The following CPLANE1 variants were observed in gnomAD, a reference collection of about 807,000 sequenced individuals.
The protein encoded by CPLANE1 is ciliogenesis and planar polarity effector complex subunit 1.
A neutral mutation model predicts 362.5 loss-of-function variants in CPLANE1; 263 were observed. The ratio of observed to expected loss-of-function variants is 0.73; its 90% confidence interval spans 0.66 to 0.80. CPLANE1 has a LOEUF of 0.80. CPLANE1 is among the 30% of genes least tolerant of loss of function. CPLANE1 has a pLI of 0.00. For missense variants in CPLANE1, 3,461 were observed against 3,793.4 expected, an observed-to-expected ratio of 0.91 and a Z score of 2.30; for synonymous variants, 1,212 against 1,302.6, an observed-to-expected ratio of 0.93 and a Z score of 1.50.
intron 38 of CPLANE1, among the ~76,000 whole-genome samples, chr5:37,162,103 C>T (rs868576612): frequency 1.3e-5 from 2 of 152,150 alleles, no homozygotes; most frequent in African/African-American, 2.4e-5. Flanking sequence ...CCTCCCTCAC[C>T]GAACCCAGTC....
rs1779424779 is a variant in CPLANE1 at position 37,170,333 on chromosome 5, T to A, written c.6172-2A>T. On this transcript the variant is annotated splice_acceptor_variant, in intron 32 of 52. Transcript: ENST00000651892. LOFTEE classifies it high-confidence loss of function. ...GCTCATGAAGTTGATCTGTTGCAGCTTGAATAAAACAAAAATTGAAGCGAT... is the reference window on the plus strand; with the variant it reads ...GCTCATGAAGTTGATCTGTTGCAGCATGAATAAAACAAAAATTGAAGCGAT... 6.2e-7 allele frequency: 1 copy of A among 1,600,420 alleles called. No homozygotes were observed. The highest frequency in any genetic ancestry group is 1.1e-5 in the South Asian group (1 of 88,448).
chr5:37,164,425 A>G (rs1777709386), intron 36 of CPLANE1, 98 bp from the exon 37 acceptor site: 1 of 825,914 alleles, frequency 1.2e-6, no homozygotes, highest in Non-Finnish European at 2.0e-6. Flanking sequence ...ATTCTCATGT[A>G]TAACTTCAAC....
At chr5:37,216,581 G>C (rs917503305) in intron 15 of CPLANE1, among the ~76,000 whole-genome samples, 1 of 151,084 alleles carries the variant, frequency 6.6e-6, no homozygotes, top group Non-Finnish European at 1.5e-5. Flanking sequence ...GGAGTGAAGG[G>C]AGATGGCTAG....
At chr5:37,243,814 T>A (rs1738539028) in intron 5 of CPLANE1, among the ~76,000 whole-genome samples, 1 of 147,024 alleles carries the variant, frequency 6.8e-6, no homozygotes, top group Admixed American at 6.9e-5. Flanking sequence ...ATATAATATA[T>A]ACGATATATA....
intron 34 of CPLANE1, among the ~76,000 whole-genome samples, chr5:37,168,527 G>A (rs199746268): frequency 1.3e-5 from 2 of 152,038 alleles, no homozygotes; most frequent in Non-Finnish European, 2.9e-5. Context: ...AATAGAGACA[G>A]CTTCTCCCTA....
Position 37,167,047 on chromosome 5 carries a change from C to CT in CPLANE1, c.7399dup (p.Arg2467LysfsTer7), listed in dbSNP as rs779025515. 5.0e-6 allele frequency: 8 copies of CT among 1,603,222 alleles called. No homozygotes were observed. Among genetic ancestry groups the CT allele is most frequent in the South Asian group, 4.5e-5 (4 of 87,986 alleles). The stretch of plus-strand genomic sequence containing the variant: ...AAATAAAATTTCACTTAAGCCTTGC[C>CT]TTTTTTTACTGTCCTTTCCTTGTCT... On this transcript the variant is annotated frameshift_variant and splice_region_variant, in exon 35 of 53. Coordinates refer to ENST00000651892, the MANE Select transcript of CPLANE1 (RefSeq NM_001384732.1). LOFTEE classifies it high-confidence loss of function.
In CPLANE1 at chr5:37,195,922, G is replaced by C; in HGVS notation, c.3747C>G (p.Ile1249Met). The C allele has an allele frequency of 1.2e-6, 2 of 1,613,258 alleles. No individual in the cohort carries two copies. Among genetic ancestry groups the C allele is most frequent in the Non-Finnish European group, 8.5e-7 (1 of 1,179,660 alleles). Residue 1249 changes from isoleucine (I) to methionine (M), a missense_variant, in exon 21 of 53, where the codon ATC (isoleucine) becomes ATG (methionine). Physicochemically the swap from Ile to Met is conservative, Grantham distance 10. Transcript: ENST00000651892. ...QSLLNYCKGG[I>M]AFFRPGAAGD... ...CAGCTGCTCCAGGTCTAAAAAATGC[G>C]ATACCTCCTTTACAGTAATTAAGTA...
chr5:37,204,748 T>TAAA (rs34423138), intron 18 of CPLANE1, among the ~76,000 whole-genome samples: 2 of 142,242 alleles, frequency 1.4e-5, no homozygotes, highest in Admixed American at 7.0e-5. Context: ...CTTTAATATT[T>TAAA]AAAAAAAAAA....
In CPLANE1 at chr5:37,114,971, G is replaced by T. The variant is rs554956977; in HGVS notation, c.9389C>A (p.Thr3130Asn). Residue 3130 changes from threonine (T) to asparagine (N), a missense_variant, in exon 51 of 53, where the codon ACC (threonine) becomes AAC (asparagine). Coordinates refer to ENST00000651892, the MANE Select transcript of CPLANE1 (RefSeq NM_001384732.1). ...AVRKATQSPV[T>N]FQKGSNAPCH... ...TCTTTATCCCTTACCTTTTTGGAAG[G>T]TAACTGGAGACTGCGTAGCCTTTCT... is the stretch of plus-strand genomic sequence containing the variant. The T allele has an allele frequency of 2.4e-5, 39 of 1,604,020 alleles. No homozygotes were observed. Among genetic ancestry groups the T allele is most frequent in the Admixed American group, 3.4e-5 (2 of 59,514 alleles).
intron 50 of CPLANE1, among the ~76,000 whole-genome samples, chr5:37,118,576 G>C (rs2150040033): frequency 6.6e-6 from 1 of 152,146 alleles, no homozygotes; most frequent in South Asian, 2.1e-4. Context: ...CCACTTCCTA[G>C]TTGTATGATC....
At chr5:37,098,389 T>TGA in the CPLANE1 span, among the ~76,000 whole-genome samples, 22 of 29,810 alleles carry the variant, frequency 7.4e-4, no homozygotes, top group African/African-American at 3.6e-3. Context: ...AAACTCCGTC[T>TGA]CAAAAAAAAA....
Position 37,206,413 on chromosome 5 carries a change from C to A in CPLANE1, c.2933G>T (p.Arg978Leu). ...CTTAGAGTGTTGCAGAGGAATAAGT[C>A]GAAAGGACTGCTCTGTGAGTAAATT... Reference protein sequence around the residue: ...PLHIKTEQSFRLIPLQHSKVA... With the variant: ...PLHIKTEQSFLLIPLQHSKVA... Residue 978 changes from arginine (R) to leucine (L), a missense_variant, in exon 17 of 53, where the codon CGA becomes CTA. Arg to Leu is a moderately radical substitution (Grantham distance 102). This residue lies in a region of CPLANE1 where 3,380 missense variants were observed against 3,666.1 expected (regional missense o/e 0.92). Coordinates refer to ENST00000651892, the MANE Select transcript of CPLANE1 (RefSeq NM_001384732.1). The A allele has an allele frequency of 6.5e-7, 1 of 1,549,774 alleles. No individual in the cohort carries two copies. Among genetic ancestry groups the A allele is most frequent in the South Asian group, 1.2e-5 (1 of 83,986 alleles).
intron 52 of CPLANE1, among the ~76,000 whole-genome samples, chr5:37,108,073 T>C (rs1758049974): frequency 6.6e-6 from 1 of 152,218 alleles, no homozygotes; most frequent in African/African-American, 2.4e-5. Flanking sequence ...GGTCATTTTT[T>C]AGTTAAAAAA....
At chr5:37,179,565 T>C in intron 28 of CPLANE1, 122 bp from the exon 29 acceptor site, 1 of 666,918 alleles carries the variant, frequency 1.5e-6, no homozygotes, top group East Asian at 2.8e-5. Context: ...CTATCCTTTT[T>C]ATAAAGACAG....
chr5:37,155,331 A>G (rs1774769283), intron 41 of CPLANE1, among the ~76,000 whole-genome samples: 1 of 152,170 alleles, frequency 6.6e-6, no homozygotes, highest in Admixed American at 6.5e-5. Flanking sequence ...TAAACGAACA[A>G]ACAAAATACT....
intron 5 of CPLANE1, among the ~76,000 whole-genome samples, chr5:37,243,760 T>C (rs1738500796): frequency 1.4e-5 from 2 of 147,086 alleles, no homozygotes; most frequent in African/African-American, 4.9e-5. Context: ...ATATAATATA[T>C]ATAATATATA....
At chr5:37,168,506 A>AT (rs1200951999) in intron 34 of CPLANE1, among the ~76,000 whole-genome samples, 2 of 147,104 alleles carry the variant, frequency 1.4e-5, no homozygotes, top group Non-Finnish European at 3.0e-5. Context: ...TAAAATACAC[A>AT]ATTTTTTTTT....
chr5:37,085,837 A>G, the CPLANE1 span: 11 of 1,307,166 alleles, frequency 8.4e-6, no homozygotes, highest in African/African-American at 4.3e-5. Flanking sequence ...TGGGGGCCAA[A>G]CAGAGCAGTG....
intron 16 of CPLANE1, chr5:37,210,060 G>C: frequency 1.3e-6 from 1 of 799,638 alleles, no homozygotes; most frequent in South Asian, 1.5e-5. Context: ...AATTAAAATG[G>C]AAGCAAAAAA....
Sources: allele counts gnomAD v4.1 joint callset (sites outside exome capture counted in the v4.1 genomes callset), GRCh38; gene constraint gnomAD v4.1.1; regional missense constraint gnomAD v4.1.1; transcripts MANE v1.5; gene names NCBI Gene and HGNC (gene_info 2026-07-23, HGNC 2026-07-21).